Variants in CERK observed in about 807,000 individuals in gnomAD.
CERK encodes acylsphingosine kinase.
In CERK, 39 loss-of-function variants were observed where a neutral mutation model predicts 63.4. That is an observed-to-expected ratio of 0.61 (90% CI 0.48 to 0.80). The LOEUF (loss-of-function observed/expected upper bound fraction) is 0.80, where lower values mean the gene tolerates loss of function less well. Ranked by LOEUF, CERK falls within the 30% of genes least tolerant of loss-of-function variation. The probability of loss-of-function intolerance (pLI) is 0.00; values close to 1 mark genes in which losing one functional copy is unlikely to be tolerated. For synonymous variants in CERK, 302 were observed against 280.0 expected, an observed-to-expected ratio of 1.08 and a Z score of -0.78; for missense variants, 670 against 714.1, an observed-to-expected ratio of 0.94 and a Z score of 0.70.
chr22:46,689,886 G>A, intron 12 of CERK, 106 bp downstream of exon 12: 3 of 724,534 alleles, frequency 4.1e-6, no homozygotes, highest in Non-Finnish European at 6.6e-6. Flanking sequence ...TACGTTTTGT[G>A]TTTATAAAGC....
At chr22:46,729,638 A>G in intron 1 of CERK, among the ~76,000 whole-genome samples, 1 of 152,196 alleles carries the variant, frequency 6.6e-6, no homozygotes, top group Non-Finnish European at 1.5e-5. Flanking sequence ...ACAACCCACA[A>G]TAAATCAGCA....
intron 3 of CERK, 112 bp downstream of exon 3, chr22:46,719,974 C>G (rs973609846): frequency 4.9e-5 from 70 of 1,414,464 alleles, no homozygotes; most frequent in Non-Finnish European, 6.7e-5. Flanking sequence ...ATCATGTCCA[C>G]CTGGGGTATG....
chr22:46,727,450 T>TTTC (rs140871011), intron 1 of CERK, among the ~76,000 whole-genome samples: 93,634 of 138,682 alleles, frequency 0.68, 32,841 homozygotes, highest in East Asian at 0.86. Flanking sequence ...CAGCTGTTTC[T>TTTC]TTTTTTTTTT....
At chr22:46,691,115 C>T (rs965667505) in intron 11 of CERK, among the ~76,000 whole-genome samples, 1 of 151,220 alleles carries the variant, frequency 6.6e-6, no homozygotes, top group Admixed American at 6.6e-5. Flanking sequence ...CACTCTGTCA[C>T]CCAGGCTGGA....
chr22:46,729,294 G>A (rs1195960725), intron 1 of CERK, among the ~76,000 whole-genome samples: 1 of 152,162 alleles, frequency 6.6e-6, no homozygotes, highest in Admixed American at 6.5e-5. Flanking sequence ...GTGCTCAAGA[G>A]GCTGCAGTGA....
At chr22:46,705,175 A>G (rs6008953) in intron 6 of CERK, among the ~76,000 whole-genome samples, 63,403 of 152,156 alleles carry the variant, frequency 0.42, 14,773 homozygotes, top group African/African-American at 0.61. Context: ...CAAGGAAATC[A>G]TGACCTGGAG....
intron 3 of CERK, among the ~76,000 whole-genome samples, chr22:46,715,908 G>A (rs770055513): frequency 1.1e-4 from 17 of 152,114 alleles, no homozygotes; most frequent in Non-Finnish European, 1.5e-4. Context: ...AAAATAGGCC[G>A]AGTATAGTAG....
chr22:46,695,465 C>T (rs1019588312), intron 8 of CERK, 150 bp from the exon 9 acceptor site: 4 of 658,758 alleles, frequency 6.1e-6, no homozygotes, highest in Non-Finnish European at 1.1e-5. Flanking sequence ...CAGGCCATGT[C>T]ACCATTGAAG....
At chr22:46,695,165 A>C in intron 9 of CERK, 45 bp downstream of exon 9, 1 of 1,012,354 alleles carries the variant, frequency 9.9e-7, no homozygotes, top group Non-Finnish European at 1.5e-6. Flanking sequence ...GTCCTGCTTC[A>C]TTTCCCGTCA....
rs1468808721 is a variant in CERK, at chr22:46,720,986, T to C, written c.172A>G (p.Ile58Val). ...TGAACGTCTGTTTCCTCAACGGCGA[T>C]GATCTCAGATACAGGCACAGAGCAG... is the stretch of plus-strand genomic sequence containing the variant. ...DACSVPVSEIIAVEETDVHGK... is the reference protein window; with the variant it reads ...DACSVPVSEIVAVEETDVHGK... The change falls in exon 2 of 13, where the codon ATC becomes GTC. Residue 58 changes from isoleucine (I) to valine (V), a missense_variant. Physicochemically the swap from Ile to Val is conservative, Grantham distance 29 (BLOSUM62 3). Coordinates refer to ENST00000216264, the MANE Select transcript of CERK (RefSeq NM_022766.6). 2 of 1,613,526 alleles carry C rather than the reference T, an allele frequency of 1.2e-6. No individual in the cohort carries two copies. Among genetic ancestry groups the C allele is most frequent in the East Asian group, 2.2e-5 (1 of 44,874 alleles).
At chr22:46,718,141 T>C (rs943835546) in intron 3 of CERK, among the ~76,000 whole-genome samples, 1 of 152,062 alleles carries the variant, frequency 6.6e-6, no homozygotes, top group African/African-American at 2.4e-5. Context: ...AAGTTAAAAT[T>C]GTAGAGTAGC....
chr22:46,700,785 G>T (rs1213619004), intron 7 of CERK, among the ~76,000 whole-genome samples: 4 of 152,126 alleles, frequency 2.6e-5, no homozygotes. Context: ...GCCGAGGCGG[G>T]TGGATCACCT....
Position 46,714,515 on chromosome 22 carries a change from G to T in CERK, c.380-2222C>A, listed in dbSNP as rs993766369. Among the ~76,000 whole-genome samples, 1 of 152,132 alleles carries T rather than the reference G, an allele frequency of 6.6e-6. No individual in the cohort carries two copies. The highest frequency in any genetic ancestry group is 1.5e-5 in the Non-Finnish European group (1 of 68,018). ...TTCATGCTAATAAACTCACGAATTT[G>T]GATGAAATGGTTAAACTTCTCAAAA... On this transcript the variant is annotated intron_variant, in intron 3 of 12. Transcript: ENST00000216264. This position sits in a 1 kb window ranked among gnomAD's most constrained non-coding sequence, Gnocchi z 4.4.
chr22:46,731,020 A>C (rs2082942745), intron 1 of CERK, among the ~76,000 whole-genome samples: 1 of 152,274 alleles, frequency 6.6e-6, no homozygotes, highest in Non-Finnish European at 1.5e-5. Context: ...CTAGCAGCTT[A>C]GACTTCCACC....
chr22:46,706,034 T>C (rs1446502924), intron 6 of CERK, among the ~76,000 whole-genome samples: 2 of 152,238 alleles, frequency 1.3e-5, no homozygotes, highest in Admixed American at 1.3e-4. Flanking sequence ...TGAGACCCAG[T>C]CTCAAACAAA....
At chr22:46,709,632 A>G (rs1189232890) in intron 5 of CERK, among the ~76,000 whole-genome samples, 8 of 152,246 alleles carry the variant, frequency 5.3e-5, no homozygotes, top group African/African-American at 1.9e-4. Flanking sequence ...AATGATTTCA[A>G]TAAATATCCG....
At position 46,687,114 on chromosome 22, in the gene CERK, G is replaced by C. The variant is rs775310593; in HGVS notation, c.*20C>G. 1.2e-6 allele frequency: 2 copies of C among 1,609,486 alleles called. No homozygotes were observed. The highest frequency in any genetic ancestry group is 1.3e-5 in the African/African-American group (1 of 74,836). ...AATAGTTTTCACACTTTCCCAGTTT[G>C]TGAGCAGGACGCCGGCTTCTCAGCT... On this transcript the variant is annotated 3_prime_UTR_variant, in exon 13 of 13. Transcript: ENST00000216264.
chr22:46,715,840 G>A (rs2082863532), intron 3 of CERK, among the ~76,000 whole-genome samples: 1 of 152,186 alleles, frequency 6.6e-6, no homozygotes, highest in Admixed American at 6.5e-5. Flanking sequence ...TGACTTTGGA[G>A]TAGACAAAGA....
intron 8 of CERK, among the ~76,000 whole-genome samples, chr22:46,698,886 G>A (rs150290052): frequency 2.3e-4 from 35 of 152,226 alleles, no homozygotes; most frequent in African/African-American, 8.2e-4. Flanking sequence ...GAGTGACGGA[G>A]GAAGACTGTG....
Sources: gnomAD v4.1 joint callset for allele counts (sites outside exome capture counted in the v4.1 genomes callset) on GRCh38, gnomAD v4.1.1 for gene constraint, Gnocchi (gnomAD v3.1) non-coding constraint, MANE v1.5 for transcripts, NCBI Gene and HGNC (gene_info 2026-07-23, HGNC 2026-07-21) for gene names.